NCOA7: variants seen among roughly 807,000 people sequenced by gnomAD.
NCOA7 encodes nuclear receptor coactivator 7.
In NCOA7, 45 loss-of-function variants were observed where a neutral mutation model predicts 104.3. The ratio of observed to expected loss-of-function variants is 0.43; its 90% CI spans 0.34 to 0.55. NCOA7 has a LOEUF of 0.55. NCOA7 is among the 20% of genes least tolerant of loss of function. The pLI, the probability that NCOA7 is intolerant of heterozygous loss-of-function variation, is 0.02. For synonymous variants in NCOA7, 398 were observed against 402.3 expected, an observed-to-expected ratio of 0.99 and a Z score of 0.13; for missense variants, 1,041 against 1,119.7, an observed-to-expected ratio of 0.93 and a Z score of 1.00.
At chr6:125,919,136 C>A in intron 11 of NCOA7, 1 of 1,059,388 alleles carries the variant, frequency 9.4e-7, no homozygotes, top group Non-Finnish European at 1.3e-6. Flanking sequence ...CACAGCGATG[C>A]CTGGCAGGAA....
At chr6:125,826,269 G>A (rs916493344) in intron 2 of NCOA7, among the ~76,000 whole-genome samples, 1 of 151,810 alleles carries the variant, frequency 6.6e-6, no homozygotes. Context: ...AGAGGTTGCA[G>A]TGAGTGAGCC....
chr6:125,922,747 G>T lies in NCOA7; in HGVS notation c.2436G>T (p.Glu812Asp), dbSNP rs139438891. The T allele has an allele frequency of 1.9e-6, 3 of 1,614,070 alleles. No homozygotes were observed. The highest frequency in any genetic ancestry group is 2.5e-6 in the Non-Finnish European group (3 of 1,180,010). ...YPWRLAYSTL[E>D]HGTSLKTLYR... ...GGAGACTGGCCTATAGCACGTTAGA[G>T]CACGGGACCAGCTTAAAGACGCTCT... Residue 812 changes from glutamate (E) to aspartate (D), a missense_variant, in exon 13 of 16, where the codon GAG becomes GAT. Transcript: ENST00000392477.
intron 10 of NCOA7, among the ~76,000 whole-genome samples, chr6:125,897,476 T>A (rs1460532091): frequency 6.6e-6 from 1 of 152,208 alleles, no homozygotes; most frequent in East Asian, 1.9e-4. Context: ...CTTTAAGGAT[T>A]TCTTAGTTTT....
intron 2 of NCOA7, among the ~76,000 whole-genome samples, chr6:125,820,574 G>C (rs189152740): frequency 1.3e-5 from 2 of 152,148 alleles, no homozygotes; most frequent in Middle Eastern, 3.2e-3. Context: ...TGTAGCTTTC[G>C]TGTTCAAGTA....
intron 3 of NCOA7, among the ~76,000 whole-genome samples, chr6:125,873,132 A>C (rs1783069435): frequency 6.6e-6 from 1 of 152,166 alleles, no homozygotes; most frequent in Non-Finnish European, 1.5e-5. Flanking sequence ...TATAGATGAA[A>C]TGATATCGTT....
chr6:125,925,728 T>A (rs1265771175), intron 13 of NCOA7, among the ~76,000 whole-genome samples: 2 of 152,204 alleles, frequency 1.3e-5, no homozygotes, highest in South Asian at 2.1e-4. Flanking sequence ...AAATGTACAT[T>A]TATATGTTTT....
At chr6:125,819,116 A>G (rs1342172224) in intron 2 of NCOA7, among the ~76,000 whole-genome samples, 2 of 152,042 alleles carry the variant, frequency 1.3e-5, no homozygotes, top group African/African-American at 4.8e-5. Flanking sequence ...AGGAACACCT[A>G]GTTTTTCCTC....
rs773873643 is a variant in NCOA7 at position 125,928,202 on chromosome 6, A to T, written c.2648A>T (p.Tyr883Phe). 5 of 1,612,756 alleles carry T rather than the reference A, an allele frequency of 3.1e-6. No individual in the cohort carries two copies. The African/African-American group carries it at 6.7e-5, about 22-fold the overall frequency. ...TTTAAGTGGAGTGGAGAAAATTCATACTTTATCAATGGAGACATAAGTTCT... is the reference window on the plus strand; with the variant it reads ...TTTAAGTGGAGTGGAGAAAATTCATTCTTTATCAATGGAGACATAAGTTCT... ...KVFKWSGENS[Y>F]FINGDISSLE... The change falls in exon 15 of 16, where the codon TAC (tyrosine) becomes TTC (phenylalanine). Residue 883 changes from tyrosine to phenylalanine, a missense_variant. Physicochemically the swap from Tyr to Phe is conservative, Grantham distance 22. Around this residue, in one of 2 missense-constraint regions of NCOA7, gnomAD observed 127 missense variants for 177.0 expected, o/e 0.72. Transcript: ENST00000392477.
intron 1 of NCOA7, chr6:125,810,397 G>GT (rs1306260331): frequency 1.3e-5 from 2 of 152,118 alleles, no homozygotes; most frequent in Non-Finnish European, 2.9e-5. Context: ...CTGGATTTAA[G>GT]TTTAATTGAC....
intron 2 of NCOA7, among the ~76,000 whole-genome samples, chr6:125,848,909 G>A (rs1052189033): frequency 2.6e-5 from 4 of 152,204 alleles, no homozygotes; most frequent in Non-Finnish European, 4.4e-5. Flanking sequence ...AGAGAAAGCT[G>A]TGAAATGGCT....
chr6:125,832,711 T>G (rs1399053473), intron 2 of NCOA7, among the ~76,000 whole-genome samples: 1 of 152,240 alleles, frequency 6.6e-6, no homozygotes. Context: ...CTTTGGCTGG[T>G]GGGCTGTTCA....
At chr6:125,864,068 CTT>C (rs1782254606) in intron 3 of NCOA7, among the ~76,000 whole-genome samples, 1 of 137,570 alleles carries the variant, frequency 7.3e-6, no homozygotes, top group African/African-American at 3.0e-5. Context: ...TTTGCATACT[CTT>C]TGACCCAACA....
At chr6:125,905,198 A>G (rs555332283) in intron 10 of NCOA7, among the ~76,000 whole-genome samples, 1 of 152,028 alleles carries the variant, frequency 6.6e-6, no homozygotes, top group Non-Finnish European at 1.5e-5. Context: ...TGATGTTTAC[A>G]GTGGATGATC....
intron 1 of NCOA7, among the ~76,000 whole-genome samples, chr6:125,783,212 G>A (rs192413294): frequency 3.9e-5 from 6 of 152,246 alleles, no homozygotes; most frequent in Non-Finnish European, 7.4e-5. Context: ...TAGTGGCTAC[G>A]TACCGTCATT....
intron 10 of NCOA7, among the ~76,000 whole-genome samples, chr6:125,910,796 A>G (rs917563180): frequency 6.6e-6 from 1 of 152,246 alleles, no homozygotes; most frequent in African/African-American, 2.4e-5. Flanking sequence ...TACACTCTTG[A>G]AAACAACCCA....
In NCOA7 at chr6:125,855,011, C is replaced by G. The variant is rs1263781425; in HGVS notation, c.51-9C>G. The G allele has an allele frequency of 6.4e-7, 1 of 1,572,366 alleles. No homozygotes were observed. Among genetic ancestry groups the G allele is most frequent in the Admixed American group, 1.9e-5 (1 of 51,964 alleles). ...CCAATGTTTTTTCTTTTTTTTCCCT[C>G]TTTCCTAGACTGAAAAAGAAAAAAC... On this transcript the variant is annotated splice_polypyrimidine_tract_variant and intron_variant, in intron 2 of 15. Coordinates refer to ENST00000392477, the MANE Select transcript of NCOA7 (RefSeq NM_181782.5).
upstream of NCOA7, among the ~76,000 whole-genome samples, chr6:125,790,045 G>A (rs888573134): frequency 6.6e-6 from 1 of 152,206 alleles, no homozygotes; most frequent in Non-Finnish European, 1.5e-5. Context: ...CCCCCTCCAA[G>A]GTTCTCTCGA....
At chr6:125,913,147 A>C (rs191252461) in intron 10 of NCOA7, among the ~76,000 whole-genome samples, 3 of 152,232 alleles carry the variant, frequency 2.0e-5, no homozygotes, top group Admixed American at 2.0e-4. Context: ...TCAGAGAAAC[A>C]GAACCAAAAT....
At chr6:125,837,970 C>G (rs1259584049) in intron 2 of NCOA7, among the ~76,000 whole-genome samples, 1 of 152,200 alleles carries the variant, frequency 6.6e-6, no homozygotes, top group Admixed American at 6.5e-5. Context: ...ATTTCTTCCT[C>G]TTAATGAGTA....
Sources: gnomAD v4.1 joint callset for allele counts (sites outside exome capture counted in the v4.1 genomes callset) on GRCh38, gnomAD v4.1.1 for gene constraint, gnomAD v4.1.1 regional missense constraint, MANE v1.5 for transcripts, NCBI Gene and HGNC (gene_info 2026-07-23, HGNC 2026-07-21) for gene names.